CDX1: variants seen among roughly 807,000 people sequenced by gnomAD.
CDX1 encodes homeobox protein CDX-1.
A neutral mutation model predicts 16.9 loss-of-function variants in CDX1; 9 were observed. The ratio of observed to expected loss-of-function variants is 0.53; its 90% CI spans 0.32 to 0.93. The LOEUF is 0.93. CDX1 is among the 40% of genes least tolerant of loss of function. CDX1 has a pLI of 0.04. For synonymous variants in CDX1, 179 were observed against 179.0 expected (o/e 1.00, Z 0.00); for missense variants, 393 against 386.1 (o/e 1.02, Z -0.15).
chr5:150,174,034 G>C (rs574968620), intron 1 of CDX1, among the ~76,000 whole-genome samples: 2 of 152,358 alleles, frequency 1.3e-5, no homozygotes, highest in Admixed American at 6.5e-5. Flanking sequence ...GCACGTGATA[G>C]GTGCTGGTGA....
chr5:150,167,226 G>C lies in CDX1; in HGVS notation c.350G>C (p.Gly117Ala), dbSNP rs1363099276. 2 of 1,261,252 alleles carry C rather than the reference G, an allele frequency of 1.6e-6. No individual in the cohort carries two copies. The allele number at this position is 1,261,252 out of a possible 1,614,324, so 78.1% of individuals were successfully genotyped here. A position where few individuals can be genotyped will look rare whatever the true frequency, so the allele number is the denominator to read the frequency against. ...CCGGGCCTCCTGGCGCAGCCCCTCG[G>C]GGGCCCGGGCACACCGTCCTCGCCC... is the stretch of plus-strand genomic sequence containing the variant. ...PGPGLLAQPL[G>A]GPGTPSSPGA... is the part of the protein sequence containing the mutation. Residue 117 changes from glycine (G) to alanine (A), a missense_variant, in exon 1 of 3, where the codon GGG (glycine) becomes GCG (alanine). By Grantham distance (60) the Gly-to-Ala change is moderately conservative. Coordinates refer to ENST00000231656, the MANE Select transcript of CDX1 (RefSeq NM_001804.3).
intron 1 of CDX1, among the ~76,000 whole-genome samples, chr5:150,177,809 G>A (rs1761588243): frequency 6.6e-6 from 1 of 152,186 alleles, no homozygotes; most frequent in Non-Finnish European, 1.5e-5. Context: ...CACAACCCCA[G>A]AGGTTTAGTT....
In CDX1 at chr5:150,183,771, A is replaced by C; in HGVS notation, c.*91A>C. ...GCCCAGGAGGTCTGGTCCGAGTCTC[A>C]GCCCTGACCTTCTGGGACATGGTGG... On this transcript the variant is annotated 3_prime_UTR_variant, in exon 3 of 3. Coordinates refer to ENST00000231656, the MANE Select transcript of CDX1 (RefSeq NM_001804.3). 1.9e-6 allele frequency: 2 copies of C among 1,060,064 alleles called. No individual in the cohort carries two copies. The highest frequency in any genetic ancestry group is 2.6e-6 in the Non-Finnish European group (2 of 755,092). The allele number at this position is 1,060,064 out of a possible 1,614,324, so 65.7% of individuals were successfully genotyped here.
intron 1 of CDX1, among the ~76,000 whole-genome samples, chr5:150,177,846 G>A (rs528583889): frequency 6.6e-6 from 1 of 152,278 alleles, no homozygotes; most frequent in African/African-American, 2.4e-5. Flanking sequence ...GCTCTGGGCT[G>A]GAACTCCTGA....
At chr5:150,179,745 C>A (rs948339401) in intron 1 of CDX1, among the ~76,000 whole-genome samples, 2 of 152,198 alleles carry the variant, frequency 1.3e-5, no homozygotes, top group Non-Finnish European at 2.9e-5. Context: ...TTTTAAGGGC[C>A]CCCAGCCTGG....
rs757932001 is a variant in CDX1 at position 150,183,614 on chromosome 5, T to C, written c.732T>C (p.Cys244=). 13 of 1,609,182 alleles carry C rather than the reference T, an allele frequency of 8.1e-6. No individual in the cohort carries two copies. The South Asian group carries it at 1.3e-4, about 16-fold the overall frequency. The change falls in exon 3 of 3, where the codon TGT becomes TGC. Residue 244 remains cysteine (C), a synonymous_variant. Coordinates refer to ENST00000231656, the MANE Select transcript of CDX1 (RefSeq NM_001804.3). ...TPAGPSLGGL[C]PSNTSLLATS... ...CCGGGCCATCCCTGGGGGGCCTGTGTCCCAGCAACACCAGCCTCCTGGCCA... is the reference window on the plus strand; with the variant it reads ...CCGGGCCATCCCTGGGGGGCCTGTGCCCCAGCAACACCAGCCTCCTGGCCA...
intron 1 of CDX1, among the ~76,000 whole-genome samples, chr5:150,176,905 G>A (rs1009528917): frequency 6.6e-6 from 1 of 152,230 alleles, no homozygotes; most frequent in African/African-American, 2.4e-5. Context: ...TGTGTGTTGG[G>A]GTTAGGATCT....
intron 1 of CDX1, among the ~76,000 whole-genome samples, chr5:150,176,840 A>G (rs1219835212): frequency 1.3e-5 from 2 of 152,194 alleles, no homozygotes; most frequent in Non-Finnish European, 2.9e-5. Context: ...GGGGCCTGGG[A>G]ATCTGCATTT....
Position 150,166,787 on chromosome 5 carries a change from G to A in CDX1, c.-90G>A. ...GTGGGGCGGGCGCGGCGGCAGGACAGCCGAGTTCAGGTGAGCGGTTGCTCG... is the reference window on the plus strand; with the variant it reads ...GTGGGGCGGGCGCGGCGGCAGGACAACCGAGTTCAGGTGAGCGGTTGCTCG... On this transcript the variant is annotated 5_prime_UTR_variant, in exon 1 of 3. Coordinates refer to ENST00000231656, the MANE Select transcript of CDX1 (RefSeq NM_001804.3). The A allele has an allele frequency of 2.1e-6, 2 of 937,992 alleles. No homozygotes were observed. The highest frequency in any genetic ancestry group is 2.9e-6 in the Non-Finnish European group (2 of 686,724). The allele number at this position is 937,992 out of a possible 1,614,324, so 58.1% of individuals were successfully genotyped here.
chr5:150,166,855 C>A lies in CDX1; in HGVS notation c.-22C>A. On this transcript the variant is annotated 5_prime_UTR_variant, in exon 1 of 3. Transcript: ENST00000231656. ...AGCGGCGGCTCCAGGGCCCAGCATG[C>A]GCGGGGGACCCCGCGGCCACCATGT... 6.9e-7 allele frequency: 1 copy of A among 1,450,168 alleles called. No homozygotes were observed. Among genetic ancestry groups the A allele is most frequent in the Non-Finnish European group, 9.1e-7 (1 of 1,103,054 alleles). The allele number at this position is 1,450,168 out of a possible 1,614,324, so 89.8% of individuals were successfully genotyped here.
At chr5:150,174,333 C>A (rs1164309918) in intron 1 of CDX1, among the ~76,000 whole-genome samples, 3 of 152,224 alleles carry the variant, frequency 2.0e-5, no homozygotes, top group Non-Finnish European at 4.4e-5. Flanking sequence ...TCAGAGAAGA[C>A]CTGAAGGGAT....
In CDX1 at chr5:150,167,098, C is replaced by T. The variant is rs1290814000; in HGVS notation, c.222C>T (p.Ala74=). The T allele has an allele frequency of 4.4e-6, 6 of 1,366,060 alleles. No homozygotes were observed. The highest frequency in any genetic ancestry group is 5.6e-6 in the Non-Finnish European group (6 of 1,067,376). The allele number at this position is 1,366,060 out of a possible 1,614,324, so 84.6% of individuals were successfully genotyped here. Reference sequence around the variant, plus strand: ...CTGCGCCCAAGGACGACTGGGCCGCCGCCTACGGCCCGGGCCCCGCGGCCC... The same window carrying T: ...CTGCGCCCAAGGACGACTGGGCCGCTGCCTACGGCCCGGGCCCCGCGGCCC... The part of the protein sequence containing the change: ...PFPAPKDDWA[A]AYGPGPAAPA... Residue 74 remains alanine, a synonymous_variant, in exon 1 of 3, where the codon GCC becomes GCT. Transcript: ENST00000231656.
intron 1 of CDX1, among the ~76,000 whole-genome samples, chr5:150,172,368 C>T (rs1761518784): frequency 6.6e-6 from 1 of 152,040 alleles, no homozygotes; most frequent in Non-Finnish European, 1.5e-5. Context: ...GTGCCAATAA[C>T]TTTGCATGGG....
intron 1 of CDX1, among the ~76,000 whole-genome samples, chr5:150,179,287 A>G (rs924127488): frequency 6.6e-6 from 1 of 152,120 alleles, no homozygotes; most frequent in African/African-American, 2.4e-5. Context: ...AAGTTGGCCA[A>G]TGGGTTCCTG....
chr5:150,168,882 A>C (rs149488234), intron 1 of CDX1, among the ~76,000 whole-genome samples: 1 of 152,322 alleles, frequency 6.6e-6, no homozygotes, highest in African/African-American at 2.4e-5. Flanking sequence ...AATCTGCTGA[A>C]AGGTACAAAT....
At chr5:150,171,798 A>G (rs1196464360) in intron 1 of CDX1, among the ~76,000 whole-genome samples, 3 of 152,242 alleles carry the variant, frequency 2.0e-5, no homozygotes, top group African/African-American at 7.2e-5. Flanking sequence ...CTGGGATTGC[A>G]TTTCCATAAG....
rs1761497142 is a variant in CDX1, at chr5:150,170,906, TATC to T, written c.445+3591_445+3593del. Among the ~76,000 whole-genome samples, 6 of 152,268 alleles carry T rather than the reference TATC, an allele frequency of 3.9e-5. 1 individual carries two copies. Among genetic ancestry groups the T allele is most frequent in the Middle Eastern group, 3.4e-3 (1 of 294 alleles). ...GCATTTTCATGAGGAGGGTTTTAAA[TATC>T]ATCATTTTCATTAGGATGGTTACGC... On this transcript the variant is annotated intron_variant, in intron 1 of 2. Coordinates refer to ENST00000231656, the MANE Select transcript of CDX1 (RefSeq NM_001804.3).
At chr5:150,179,241 C>T (rs975486100) in intron 1 of CDX1, among the ~76,000 whole-genome samples, 2 of 152,180 alleles carry the variant, frequency 1.3e-5, no homozygotes, top group Non-Finnish European at 2.9e-5. Flanking sequence ...TTTTCTTGCA[C>T]GAAAATTGTG....
At chr5:150,181,104 TCCTGTC>T (rs1752407530) in intron 1 of CDX1, among the ~76,000 whole-genome samples, 1 of 152,132 alleles carries the variant, frequency 6.6e-6, no homozygotes, top group Non-Finnish European at 1.5e-5. Context: ...TCCCCTTGTC[TCCTGTC>T]CCGTCCCCCT....
Sources: allele counts gnomAD v4.1 joint callset (sites outside exome capture counted in the v4.1 genomes callset), GRCh38; gene constraint gnomAD v4.1.1; transcripts MANE v1.5; gene names NCBI Gene and HGNC (gene_info 2026-07-23, HGNC 2026-07-21).